Variants in MYCBP2 observed in about 807,000 individuals in gnomAD.
MYCBP2 encodes E3 ubiquitin-protein ligase MYCBP2.
A neutral mutation model predicts 525.3 loss-of-function variants in MYCBP2; 120 were observed. The observed-to-expected ratio is 0.23, with a 90% CI of 0.20 to 0.27. MYCBP2 has a LOEUF of 0.27. Ranked by LOEUF, MYCBP2 falls within the 10% of genes least tolerant of loss-of-function variation. The pLI is 1.00. For missense variants in MYCBP2, 4,149 were observed against 5,657.1 expected, an observed-to-expected ratio of 0.73 and a Z score of 8.55; for synonymous variants, 1,894 against 1,955.8, an observed-to-expected ratio of 0.97 and a Z score of 0.83.
intron 13 of MYCBP2, 151 bp from the exon 14 acceptor site, chr13:77,257,980 T>C (rs2072538960): frequency 9.9e-6 from 6 of 607,850 alleles, no homozygotes; most frequent in Non-Finnish European, 1.6e-5. Flanking sequence ...AGAGTATCAC[T>C]GAATTAACTT....
At chr13:77,169,593 T>C in intron 39 of MYCBP2, 21 bp downstream of exon 39, 1 of 1,573,022 alleles carries the variant, frequency 6.4e-7, no homozygotes, top group Non-Finnish European at 8.7e-7. Flanking sequence ...ACATTCAAAG[T>C]TATAGAATTA....
At position 77,157,891 on chromosome 13, in the gene MYCBP2, A is replaced by C. The variant is rs111722153; in HGVS notation, c.6770+46T>G. On this transcript the variant is annotated intron_variant, in intron 45 of 82. Coordinates refer to ENST00000544440, the MANE Select transcript of MYCBP2 (RefSeq NM_015057.5). Reference sequence around the variant, plus strand: ...GACTCCCCTCTTTCAGAAATGAAGAAAGATGAAAGCCCTAAAATAAAGTAA... The same window carrying C: ...GACTCCCCTCTTTCAGAAATGAAGACAGATGAAAGCCCTAAAATAAAGTAA... The C allele has an allele frequency of 1.3e-3, 1,901 of 1,482,926 alleles. 22 individuals carry two copies. The African/African-American group carries it at 0.024, about 19-fold the overall frequency. 91.9% of individuals were successfully genotyped at this position (1,482,926 alleles called of 1,614,324 possible).
intron 1 of MYCBP2, among the ~76,000 whole-genome samples, chr13:77,316,350 T>C (rs146126892): frequency 5.5e-4 from 84 of 152,336 alleles, no homozygotes; most frequent in South Asian, 1.0e-3. Flanking sequence ...AACCAGTTCA[T>C]TCAGGCTGCC....
At chr13:77,094,130 G>C (rs2045868149) in intron 58 of MYCBP2, among the ~76,000 whole-genome samples, 1 of 152,060 alleles carries the variant, frequency 6.6e-6, no homozygotes, top group Non-Finnish European at 1.5e-5. Flanking sequence ...GTAATAGTAA[G>C]CACAAAATTT....
chr13:77,096,520 G>C (rs368647528), intron 56 of MYCBP2, 39 bp from the exon 57 acceptor site: 579 of 1,605,838 alleles, frequency 3.6e-4, no homozygotes, highest in Non-Finnish European at 4.6e-4. Context: ...AACACTCCAA[G>C]TGTCCTTAAT....
intron 3 of MYCBP2, among the ~76,000 whole-genome samples, chr13:77,287,805 C>T (rs1473562633): frequency 1.3e-5 from 2 of 152,150 alleles, no homozygotes; most frequent in Non-Finnish European, 2.9e-5. Flanking sequence ...ACCTTACTCT[C>T]GGCTCACTGG....
intron 55 of MYCBP2, among the ~76,000 whole-genome samples, chr13:77,115,286 A>G (rs2049530685): frequency 2.0e-5 from 3 of 151,932 alleles, no homozygotes; most frequent in African/African-American, 7.2e-5. Context: ...AAGCAGATAC[A>G]GATATCATTC....
intron 21 of MYCBP2, among the ~76,000 whole-genome samples, chr13:77,216,547 A>G (rs1270676931): frequency 6.6e-6 from 1 of 152,192 alleles, no homozygotes; most frequent in Non-Finnish European, 1.5e-5. Context: ...GGACATTCTG[A>G]GCCTTCAGAT....
At chr13:77,191,173 G>A (rs1011221750) in intron 28 of MYCBP2, among the ~76,000 whole-genome samples, 5 of 152,104 alleles carry the variant, frequency 3.3e-5, no homozygotes, top group Non-Finnish European at 5.9e-5. Context: ...CAAAGCTATT[G>A]AGGGCATCAA....
At chr13:77,240,275 C>G (rs777255174) in intron 17 of MYCBP2, among the ~76,000 whole-genome samples, 1 of 151,966 alleles carries the variant, frequency 6.6e-6, no homozygotes, top group Non-Finnish European at 1.5e-5. Flanking sequence ...AAAATGAATA[C>G]ATAGTTAGAA....
At chr13:77,122,069 C>G (rs1205422879) in intron 54 of MYCBP2, among the ~76,000 whole-genome samples, 1 of 151,728 alleles carries the variant, frequency 6.6e-6, no homozygotes, top group Non-Finnish European at 1.5e-5. Flanking sequence ...TAATCAGAGT[C>G]TATAAATGTA....
At chr13:77,133,408 T>C (rs1322307274) in intron 52 of MYCBP2, among the ~76,000 whole-genome samples, 1 of 152,180 alleles carries the variant, frequency 6.6e-6, no homozygotes, top group Non-Finnish European at 1.5e-5. Flanking sequence ...GTGTAAAGCA[T>C]CAACAAACTG....
chr13:77,305,292 G>T (rs1321909184), intron 1 of MYCBP2, among the ~76,000 whole-genome samples: 1 of 151,954 alleles, frequency 6.6e-6, no homozygotes, highest in Non-Finnish European at 1.5e-5. Flanking sequence ...CAACCCAAAT[G>T]CTCACCAACT....
At chr13:77,143,422 T>C (rs1320730074) in intron 49 of MYCBP2, among the ~76,000 whole-genome samples, 1 of 152,188 alleles carries the variant, frequency 6.6e-6, no homozygotes, top group Non-Finnish European at 1.5e-5. Flanking sequence ...TCCCTTGACA[T>C]TTGAACTCCA....
At chr13:77,151,089 G>C (rs889826305) in intron 46 of MYCBP2, 140 bp from the exon 47 acceptor site, 3 of 709,442 alleles carry the variant, frequency 4.2e-6, no homozygotes, top group East Asian at 2.7e-5. Context: ...CCCTTCAAAG[G>C]CTTATTGAAA....
At chr13:77,221,803 T>C (rs1351901368) in intron 20 of MYCBP2, among the ~76,000 whole-genome samples, 1 of 152,104 alleles carries the variant, frequency 6.6e-6, no homozygotes, top group Non-Finnish European at 1.5e-5. Context: ...GTTATAGTCA[T>C]CCCTCAGCAT....
rs1354748079 is a variant in MYCBP2, at chr13:77,098,937, G to A, written c.8217C>T (p.Ser2739=). ...TACGTCCATCAGGTTTAAGCGATCT[G>A]CTGTGTTTAGAGGACAGCTCTGATT... ...SGKSELSSKH[S]RSLKPDGRMS... Residue 2739 remains serine (S), a synonymous_variant, in exon 56 of 83, where the codon AGC becomes AGT. Transcript: ENST00000544440. 2 of 1,613,286 alleles carry A rather than the reference G, an allele frequency of 1.2e-6. No homozygotes were observed. The highest frequency in any genetic ancestry group is 1.7e-5 in the Admixed American group (1 of 59,946).
At chr13:77,264,302 C>A (rs554972749) in intron 8 of MYCBP2, among the ~76,000 whole-genome samples, 40 of 151,798 alleles carry the variant, frequency 2.6e-4, no homozygotes, top group Non-Finnish European at 4.1e-4. Context: ...GATGAACAAA[C>A]TATAATGTTG....
chr13:77,261,085 T>A, intron 12 of MYCBP2, 86 bp downstream of exon 12: 1 of 1,056,758 alleles, frequency 9.5e-7, no homozygotes, highest in East Asian at 2.6e-5. Context: ...TTATTGAAAT[T>A]CATAAACTTT....
Sources: allele counts gnomAD v4.1 joint callset (sites outside exome capture counted in the v4.1 genomes callset), GRCh38; gene constraint gnomAD v4.1.1; transcripts MANE v1.5; gene names NCBI Gene and HGNC (gene_info 2026-07-23, HGNC 2026-07-21).